Variants in MBP observed in about 807,000 individuals in gnomAD.
The protein encoded by MBP is myelin basic protein, also known as Golli-MBP.
A neutral mutation model predicts 35.8 loss-of-function variants in MBP; 16 were observed. That is an observed-to-expected ratio of 0.45 (90% CI 0.30 to 0.68). The LOEUF (loss-of-function observed/expected upper bound fraction) is 0.68. Among genes scored for constraint, MBP ranks in the 30% least tolerant of loss-of-function variants. MBP has a pLI of 0.08. For synonymous variants in MBP, 143 were observed against 159.6 expected (o/e 0.90, Z 0.78); for missense variants, 380 against 404.7 (o/e 0.94, Z 0.52).
At chr18:76,995,663 A>G (rs1176134591) in intron 4 of MBP, among the ~76,000 whole-genome samples, 1 of 152,216 alleles carries the variant, frequency 6.6e-6, no homozygotes, top group Non-Finnish European at 1.5e-5. Flanking sequence ...CTTTAACCCA[A>G]TCCACACCTT....
chr18:76,988,709 G>T lies in MBP; in HGVS notation c.717+168C>A. The stretch of plus-strand genomic sequence containing the variant: ...GGCTGTGCAGGTGCGGGAGGGACAG[G>T]AGGGGTGCATGGATCTGCCGACCTG... On this transcript the variant is annotated intron_variant, in intron 6 of 8. Transcript: ENST00000355994. The surrounding 1 kb of genome is among the most constrained non-coding windows in gnomAD (Gnocchi z 5.2). The T allele has an allele frequency of 4.4e-6, 6 of 1,350,980 alleles. No homozygotes were observed. The highest frequency in any genetic ancestry group is 2.7e-5 in the South Asian group (2 of 73,216). 83.7% of individuals were successfully genotyped at this position (1,350,980 alleles called of 1,614,324 possible).
chr18:76,986,211 G>A (rs1197721830), intron 7 of MBP: 4 of 985,364 alleles, frequency 4.1e-6, no homozygotes, highest in Non-Finnish European at 4.8e-6. Flanking sequence ...GGTCCAGACT[G>A]CACTTTACAT....
At chr18:77,021,757 AC>A (rs1971997836) in intron 3 of MBP, among the ~76,000 whole-genome samples, 1 of 152,158 alleles carries the variant, frequency 6.6e-6, no homozygotes, top group Non-Finnish European at 1.5e-5. Flanking sequence ...TGCTTGGATT[AC>A]AGGTGTGAGC....
intron 7 of MBP, chr18:76,985,529 A>G: frequency 8.7e-7 from 1 of 1,150,822 alleles, no homozygotes; most frequent in Non-Finnish European, 1.1e-6. Flanking sequence ...CAGGGTGAGC[A>G]GGAATCAGTC....
At chr18:77,003,772 C>T (rs2123322729) in intron 4 of MBP, 1 of 152,300 alleles carries the variant, frequency 6.6e-6, no homozygotes, top group East Asian at 1.9e-4. Flanking sequence ...TCACAGAGAT[C>T]CTTGACATCC....
intron 2 of MBP, among the ~76,000 whole-genome samples, chr18:77,090,340 G>A (rs1403622075): frequency 6.6e-6 from 1 of 152,194 alleles, no homozygotes; most frequent in East Asian, 1.9e-4. Context: ...AGCCGACAAC[G>A]TGCTATTCAC....
intron 2 of MBP, among the ~76,000 whole-genome samples, chr18:77,078,792 G>A (rs998862433): frequency 2.0e-5 from 3 of 152,246 alleles, no homozygotes; most frequent in African/African-American, 7.2e-5. Flanking sequence ...GGCAGGGGCT[G>A]CCCCTGGGGT....
chr18:77,044,246 G>C lies in MBP; in HGVS notation c.139+22052C>G, dbSNP rs1214262447. 6.6e-6 allele frequency among the ~76,000 whole-genome samples: 1 copy of C among 152,162 alleles called. No individual in the cohort carries two copies. Among genetic ancestry groups the C allele is most frequent in the East Asian group, 1.9e-4 (1 of 5,188 alleles). On this transcript the variant is annotated intron_variant, in intron 3 of 8. Coordinates refer to ENST00000355994, the MANE Select transcript of MBP (RefSeq NM_001025101.2). The surrounding 1 kb of genome is among the most constrained non-coding windows in gnomAD (Gnocchi z 4.4). ...GCCTACTCCATGTCCCCCTGTGGAT[G>C]CTGCAATGCCCAGCACCACACTGGT...
chr18:77,009,985 C>A, intron 4 of MBP: 1 of 1,180,780 alleles, frequency 8.5e-7, no homozygotes, highest in South Asian at 1.3e-5. Context: ...GGCAATGCCC[C>A]AAAGTCCTCC....
At chr18:77,111,310 C>T (rs771640194) in intron 1 of MBP, among the ~76,000 whole-genome samples, 2 of 152,190 alleles carry the variant, frequency 1.3e-5, no homozygotes, top group Non-Finnish European at 2.9e-5. Context: ...GATCTGCACA[C>T]ATCAGAAAAG....
In MBP at chr18:77,020,050, G is replaced by A. The variant is rs1971929964; in HGVS notation, c.140-2782C>T. ...AGGGCAGAGCAGGCAGCTATGTGGC[G>A]AGAAGACAGGGCTTGGTTTGGGGAG... is the stretch of plus-strand genomic sequence containing the variant. On this transcript the variant is annotated intron_variant, in intron 3 of 8. Coordinates refer to ENST00000355994, the MANE Select transcript of MBP (RefSeq NM_001025101.2). The surrounding 1 kb of genome is among the most constrained non-coding windows in gnomAD (Gnocchi z 4.1). Among the ~76,000 whole-genome samples the A allele has an allele frequency of 6.6e-6, 1 of 152,168 alleles. No individual in the cohort carries two copies. Among genetic ancestry groups the A allele is most frequent in the Admixed American group, 6.5e-5 (1 of 15,284 alleles).
chr18:77,094,137 T>C (rs1021222336), intron 2 of MBP, among the ~76,000 whole-genome samples: 4 of 152,074 alleles, frequency 2.6e-5, no homozygotes, highest in African/African-American at 9.7e-5. Flanking sequence ...CCACTACACC[T>C]GGCTAATTTT....
chr18:77,045,048 C>G (rs1231197786), intron 3 of MBP, among the ~76,000 whole-genome samples: 2 of 151,914 alleles, frequency 1.3e-5, no homozygotes, highest in East Asian at 3.9e-4. Flanking sequence ...TAGATACGAT[C>G]TTGATGTATG....
Position 77,130,376 on chromosome 18 carries a change from T to A in MBP, c.-26+2204A>T, listed in dbSNP as rs150047819. 1.4e-3 allele frequency among the ~76,000 whole-genome samples: 197 copies of A among 142,890 alleles called. 3 individuals carry two copies. Among genetic ancestry groups the A allele is most frequent in the African/African-American group, 5.5e-3 (188 of 34,366 alleles). 93.7% of individuals were successfully genotyped at this position (142,890 alleles called of 152,430 possible). On this transcript the variant is annotated intron_variant, in intron 1 of 8. Transcript: ENST00000355994. ...TGCCCTTAGAGTAACTTAACCTCTC[T>A]GGGCCTTGTTTCCTCAACAGTAAAA...
At chr18:77,126,366 C>A (rs1289217471) in intron 1 of MBP, among the ~76,000 whole-genome samples, 1 of 152,082 alleles carries the variant, frequency 6.6e-6, no homozygotes, top group African/African-American at 2.4e-5. Flanking sequence ...TGACAAAATA[C>A]AACACACATT....
chr18:77,012,380 C>T (rs1971403332), intron 4 of MBP, among the ~76,000 whole-genome samples: 1 of 152,228 alleles, frequency 6.6e-6, no homozygotes, highest in Non-Finnish European at 1.5e-5. Flanking sequence ...ATCTGCTCAG[C>T]GTCCACCCTC....
intron 3 of MBP, among the ~76,000 whole-genome samples, chr18:77,027,695 T>G (rs891574565): frequency 6.6e-5 from 10 of 152,112 alleles, no homozygotes; most frequent in Non-Finnish European, 1.5e-4. Flanking sequence ...AAAAAATTAT[T>G]TATTTATTTA....
intron 8 of MBP, chr18:76,983,606 C>T (rs1187112789): frequency 1.3e-5 from 2 of 152,232 alleles, no homozygotes; most frequent in Non-Finnish European, 2.9e-5. Context: ...CTTCATCTGA[C>T]ATAAAGCTGC....
At chr18:77,091,833 TACACACC>T (rs1287953988) in intron 2 of MBP, among the ~76,000 whole-genome samples, 1 of 151,946 alleles carries the variant, frequency 6.6e-6, no homozygotes, top group Non-Finnish European at 1.5e-5. Context: ...CGCACATGTA[TACACACC>T]ACACACCCAT....
Sources: allele counts gnomAD v4.1 joint callset (sites outside exome capture counted in the v4.1 genomes callset), GRCh38; gene constraint gnomAD v4.1.1; non-coding constraint Gnocchi (gnomAD v3.1); transcripts MANE v1.5; gene names NCBI Gene and HGNC (gene_info 2026-07-23, HGNC 2026-07-21).